PRRC2B: variants seen among roughly 807,000 people sequenced by gnomAD.
The protein encoded by PRRC2B is protein PRRC2B.
Under a neutral mutation model 242.3 loss-of-function variants are expected in PRRC2B, and 68 were observed. The ratio of observed to expected loss-of-function variants is 0.28; its 90% CI spans 0.23 to 0.34. The LOEUF is 0.34. Among genes scored for constraint, PRRC2B ranks in the 10% least tolerant of loss-of-function variants. PRRC2B has a pLI of 1.00. For missense variants in PRRC2B, 2,835 were observed against 2,954.8 expected (o/e 0.96, Z 0.94); for synonymous variants, 1,228 against 1,173.6 (o/e 1.05, Z -0.95).
chr9:131,389,910 T>C (rs999407307), upstream of PRRC2B, among the ~76,000 whole-genome samples: 1 of 141,976 alleles, frequency 7.0e-6, no homozygotes, highest in Non-Finnish European at 1.5e-5. Context: ...CCTCGGAACA[T>C]GGTTGTTTTT....
intron 1 of PRRC2B, among the ~76,000 whole-genome samples, chr9:131,400,860 G>T (rs1837208927): frequency 6.6e-6 from 1 of 152,164 alleles, no homozygotes; most frequent in African/African-American, 2.4e-5. Flanking sequence ...CTAGGGACAT[G>T]GATGCCCCAT....
intron 11 of PRRC2B, 110 bp from the exon 12 acceptor site, chr9:131,464,653 C>G (rs1025245825): frequency 6.2e-6 from 6 of 963,528 alleles, no homozygotes; most frequent in South Asian, 3.6e-5. Context: ...TGTGCTGCCT[C>G]TTGAAGGTGC....
intron 1 of PRRC2B, among the ~76,000 whole-genome samples, chr9:131,381,217 G>A (rs1021288199): frequency 2.0e-5 from 3 of 152,144 alleles, no homozygotes; most frequent in Non-Finnish European, 2.9e-5. Context: ...AGCAGGAAGA[G>A]GACTGTAGTT....
At chr9:131,392,351 C>A (rs1836913409), upstream of PRRC2B, among the ~76,000 whole-genome samples, 1 of 152,162 alleles carries the variant, frequency 6.6e-6, no homozygotes, top group Non-Finnish European at 1.5e-5. Context: ...CCTGCCTCGA[C>A]CTACCAAAGT....
intron 16 of PRRC2B, among the ~76,000 whole-genome samples, chr9:131,477,066 A>G (rs1164155463): frequency 2.0e-5 from 3 of 152,168 alleles, no homozygotes; most frequent in African/African-American, 7.2e-5. Context: ...CAGGCTGCAC[A>G]TGGTCTGGCG....
In PRRC2B at chr9:131,495,801, C is replaced by T. The variant is rs764201479; in HGVS notation, c.6617C>T (p.Ser2206Leu). The part of the protein sequence containing the change: ...LGAVKLQEAP[S>L]AASQMKRTGA... Reference sequence around the variant, plus strand: ...GCCGTGAAGCTGCAGGAGGCCCCCTCGGCTGCCTCCCAGATGAAGCGAACC... The same window carrying T: ...GCCGTGAAGCTGCAGGAGGCCCCCTTGGCTGCCTCCCAGATGAAGCGAACC... The change falls in exon 32 of 32, where the codon TCG becomes TTG. Residue 2206 changes from serine (S) to leucine (L), a missense_variant. Around this residue, in one of 7 missense-constraint regions of PRRC2B, gnomAD observed 574 missense variants for 626.0 expected, o/e 0.92. Transcript: ENST00000683519. 47 of 1,612,862 alleles carry T rather than the reference C, an allele frequency of 2.9e-5. No homozygotes were observed. The Admixed American group carries it at 6.2e-4, about 21-fold the overall frequency.
intron 3 of PRRC2B, among the ~76,000 whole-genome samples, 173 bp downstream of exon 3, chr9:131,432,967 G>A (rs1838229572): frequency 6.6e-6 from 1 of 152,226 alleles, no homozygotes; most frequent in African/African-American, 2.4e-5. Flanking sequence ...TGGCCCTGGT[G>A]CTTCGTATGT....
At chr9:131,462,736 G>T (rs1017545186) in intron 11 of PRRC2B, among the ~76,000 whole-genome samples, 4 of 151,028 alleles carry the variant, frequency 2.6e-5, no homozygotes, top group Non-Finnish European at 5.9e-5. Flanking sequence ...TACTCAGGAG[G>T]CTGAGGCAGG....
chr9:131,430,291 A>C (rs762371259), intron 2 of PRRC2B, 32 bp downstream of exon 2: 1 of 1,360,082 alleles, frequency 7.4e-7, no homozygotes, highest in Non-Finnish European at 1.0e-6. Flanking sequence ...CAGTTCCTCA[A>C]ACTTTCTCCG....
chr9:131,486,286 C>A, intron 26 of PRRC2B, 104 bp downstream of exon 26: 1 of 915,858 alleles, frequency 1.1e-6, no homozygotes, highest in Non-Finnish European at 1.7e-6. Flanking sequence ...TCTGGTTTTC[C>A]ATCCCCCTCA....
At chr9:131,439,132 C>A in intron 5 of PRRC2B, 71 bp downstream of exon 5, 2 of 1,355,904 alleles carry the variant, frequency 1.5e-6, no homozygotes, top group South Asian at 1.2e-5. Context: ...TCCAGAATGT[C>A]TGGTTGGGTC....
chr9:131,460,278 C>T (rs1383412886), intron 11 of PRRC2B, among the ~76,000 whole-genome samples: 1 of 152,230 alleles, frequency 6.6e-6, no homozygotes, highest in Non-Finnish European at 1.5e-5. Flanking sequence ...TTCAGAATCA[C>T]ACACCTCTAG....
chr9:131,488,185 T>C, intron 28 of PRRC2B, 89 bp downstream of exon 28: 1 of 1,483,110 alleles, frequency 6.7e-7, no homozygotes, highest in Non-Finnish European at 9.0e-7. Flanking sequence ...CAGTGTGTGC[T>C]GGCCTATCGT....
chr9:131,492,109 G>T, intron 29 of PRRC2B, 60 bp from the exon 30 acceptor site: 5 of 1,319,186 alleles, frequency 3.8e-6, no homozygotes, highest in South Asian at 1.2e-5. Flanking sequence ...TTCAGTAAGT[G>T]TGTGGTCCAG....
intron 10 of PRRC2B, among the ~76,000 whole-genome samples, chr9:131,457,900 C>T (rs1041785196): frequency 2.6e-5 from 4 of 152,296 alleles, no homozygotes; most frequent in South Asian, 4.1e-4. Flanking sequence ...TTACCTGCCT[C>T]GTCTTCCCTC....
At position 131,376,309 on chromosome 9, in the gene PRRC2B, G is replaced by A. The variant is rs189664030; in HGVS notation, c.-56+2578G>A. The stretch of plus-strand genomic sequence containing the variant: ...GTGGAGGTTGCAGTGAGCGGAGATC[G>A]CGCCAATGCACTCCAGCCTGGGTGA... On this transcript the variant is annotated intron_variant, in intron 1 of 1. Transcript: ENST00000682525. 1.7e-3 allele frequency among the ~76,000 whole-genome samples: 252 copies of A among 150,630 alleles called. 2 individuals carry two copies. The highest frequency in any genetic ancestry group is 0.01 in the Middle Eastern group (3 of 292).
rs891288868 is a variant in PRRC2B at position 131,473,716 on chromosome 9, G to A, written c.2316G>A (p.Met772Ile). Residue 772 changes from methionine to isoleucine, a missense_variant, in exon 15 of 32, where the codon ATG (methionine) becomes ATA (isoleucine). By Grantham distance (10) the Met-to-Ile change is conservative. This residue lies in a region of PRRC2B where 1,536 missense variants were observed against 1,483.1 expected (regional missense o/e 1.04). Coordinates refer to ENST00000683519, the MANE Select transcript of PRRC2B (RefSeq NM_013318.4). ...PKSSDTLAMDMRVRNESSFSA... is the reference protein window; with the variant it reads ...PKSSDTLAMDIRVRNESSFSA... Reference sequence around the variant, plus strand: ...CGAGTGACACCTTGGCTATGGACATGCGTGTCAGGTGAGATGAAGCCTGGT... The same window carrying A: ...CGAGTGACACCTTGGCTATGGACATACGTGTCAGGTGAGATGAAGCCTGGT... The A allele has an allele frequency of 6.2e-7, 1 of 1,612,742 alleles. No homozygotes were observed. Among genetic ancestry groups the A allele is most frequent in the Non-Finnish European group, 8.5e-7 (1 of 1,179,346 alleles).
chr9:131,455,840 C>T lies in PRRC2B; in HGVS notation c.1211+674C>T, dbSNP rs184885377. On this transcript the variant is annotated intron_variant, in intron 10 of 31. Transcript: ENST00000683519. The stretch of plus-strand genomic sequence containing the variant: ...GCTAAAGTACACTGGGGGCCGGGCA[C>T]GGCGGCTCGTGCTGTTAATTCCAGC... 3.6e-3 allele frequency among the ~76,000 whole-genome samples: 551 copies of T among 151,422 alleles called. 4 individuals carry two copies. The highest frequency in any genetic ancestry group is 0.013 in the African/African-American group (524 of 41,378).
chr9:131,430,514 GATAGATAGATAGATATCTATCT>G (rs1481265802), intron 2 of PRRC2B, among the ~76,000 whole-genome samples: 2 of 17,310 alleles, frequency 1.2e-4, no homozygotes, highest in Non-Finnish European at 1.5e-4. Flanking sequence ...GATATCTATA[GATAGATAGATAGATATCTATCT>G]ATAGATATCT....
Sources: gnomAD v4.1 joint callset for allele counts (sites outside exome capture counted in the v4.1 genomes callset) on GRCh38, gnomAD v4.1.1 for gene constraint, gnomAD v4.1.1 regional missense constraint, MANE v1.5 for transcripts, NCBI Gene and HGNC (gene_info 2026-07-23, HGNC 2026-07-21) for gene names.